MYO16: variants seen among roughly 807,000 people sequenced by gnomAD.
MYO16 encodes the protein myosin XVI, also known as unconventional myosin-XVI.
MYO16 carries 94 observed loss-of-function variants against 205.3 expected under a neutral mutation model. That is an observed-to-expected ratio of 0.46 (90% confidence interval 0.39 to 0.54). The LOEUF is 0.54. Ranked by LOEUF, MYO16 falls within the 20% of genes least tolerant of loss-of-function variation. The probability of loss-of-function intolerance (pLI) is 0.00; values close to 1 mark genes in which losing one functional copy is unlikely to be tolerated. For synonymous variants in MYO16, 988 were observed against 954.0 expected, an observed-to-expected ratio of 1.04 and a Z score of -0.66; for missense variants, 2,315 against 2,387.5, an observed-to-expected ratio of 0.97 and a Z score of 0.63.
At chr13:108,547,532 G>A in the MYO16 span, among the ~76,000 whole-genome samples, 65 of 152,190 alleles carry the variant, frequency 4.3e-4, no homozygotes, top group African/African-American at 1.4e-3. Context: ...GACAGCCAGC[G>A]CACACCACTC....
intron 2 of MYO16, among the ~76,000 whole-genome samples, chr13:108,709,131 T>C (rs1883626979): frequency 6.6e-6 from 1 of 152,102 alleles, no homozygotes; most frequent in South Asian, 2.1e-4. Flanking sequence ...TTCTATTTGG[T>C]CCCCAGATGG....
At chr13:109,134,222 TC>T (rs1398407442) in intron 31 of MYO16, among the ~76,000 whole-genome samples, 1 of 152,202 alleles carries the variant, frequency 6.6e-6, no homozygotes, top group African/African-American at 2.4e-5. Flanking sequence ...GTGTAACTTG[TC>T]CTGTGTCACA....
Position 109,141,173 on chromosome 13 carries a change from T to A in MYO16, c.4961T>A (p.Phe1654Tyr), listed in dbSNP as rs911962087. 1 of 1,608,892 alleles carries A rather than the reference T, an allele frequency of 6.2e-7. No individual in the cohort carries two copies. Among genetic ancestry groups the A allele is most frequent in the Non-Finnish European group, 8.5e-7 (1 of 1,177,832 alleles). Residue 1654 changes from phenylalanine (F) to tyrosine (Y), a missense_variant, in exon 32 of 35, where the codon TTC becomes TAC. By Grantham distance (22) the Phe-to-Tyr change is conservative. Transcript: ENST00000457511. The surrounding 1 kb of genome is among the most constrained non-coding windows in gnomAD (Gnocchi z 4.1). ...SAPVAGPCSSFPKIPYSPVKA... is the reference protein window; with the variant it reads ...SAPVAGPCSSYPKIPYSPVKA... ...CCCGTGGCCGGGCCCTGCAGCTCCT[T>A]CCCCAAGATCCCATATTCCCCCGTG...
chr13:109,026,370 C>CG (rs1304483608), intron 23 of MYO16, among the ~76,000 whole-genome samples: 1 of 151,978 alleles, frequency 6.6e-6, no homozygotes, highest in South Asian at 2.1e-4. Flanking sequence ...CATGTGACCA[C>CG]GGGGGGAGGT....
At chr13:109,051,976 A>G (rs920478148) in intron 24 of MYO16, among the ~76,000 whole-genome samples, 4 of 152,102 alleles carry the variant, frequency 2.6e-5, no homozygotes, top group African/African-American at 9.7e-5. Context: ...ATGATTTGAC[A>G]AGTGCACAAA....
intron 20 of MYO16, among the ~76,000 whole-genome samples, chr13:108,972,096 T>A (rs1305397667): frequency 6.8e-6 from 1 of 147,472 alleles, no homozygotes; most frequent in African/African-American, 2.5e-5. Flanking sequence ...TGGTCCCAGC[T>A]ACTTGGGAAC....
intron 1 of MYO16, among the ~76,000 whole-genome samples, chr13:108,622,906 A>C (rs763319386): frequency 6.6e-6 from 1 of 152,112 alleles, no homozygotes; most frequent in Non-Finnish European, 1.5e-5. Flanking sequence ...GAATTGTAAC[A>C]CAGGAGAGGA....
At chr13:109,186,151 G>A (rs1301333059) in intron 34 of MYO16, among the ~76,000 whole-genome samples, 1 of 152,048 alleles carries the variant, frequency 6.6e-6, no homozygotes, top group Non-Finnish European at 1.5e-5. Context: ...AAGCAACAGA[G>A]ACCGTGTCTC....
intron 4 of MYO16, among the ~76,000 whole-genome samples, chr13:108,774,442 AT>A (rs1445526782): frequency 6.6e-6 from 1 of 152,248 alleles, no homozygotes; most frequent in Admixed American, 6.5e-5. Flanking sequence ...AGGGCTCCCT[AT>A]AGGAACTATG....
intron 21 of MYO16, among the ~76,000 whole-genome samples, chr13:109,006,843 A>G (rs1885402746): frequency 6.6e-6 from 1 of 152,164 alleles, no homozygotes; most frequent in Admixed American, 6.5e-5. Context: ...GGGTATAGGC[A>G]GAGAAGAGAC....
intron 16 of MYO16, among the ~76,000 whole-genome samples, chr13:108,954,926 C>A (rs1054750039): frequency 1.6e-4 from 25 of 152,258 alleles, no homozygotes; most frequent in Admixed American, 6.5e-4. Flanking sequence ...GAAGAAGTAA[C>A]ACCACCCCAG....
chr13:108,926,375 T>C (rs1389055023), intron 16 of MYO16, among the ~76,000 whole-genome samples: 1 of 152,238 alleles, frequency 6.6e-6, no homozygotes, highest in Non-Finnish European at 1.5e-5. Context: ...AGATGGTCCC[T>C]GCTCTAAAGT....
At chr13:108,834,369 G>A (rs978045725) in intron 9 of MYO16, among the ~76,000 whole-genome samples, 11 of 152,130 alleles carry the variant, frequency 7.2e-5, no homozygotes, top group African/African-American at 2.7e-4. Flanking sequence ...ATGACTCCCA[G>A]GTCATAAAGA....
chr13:108,921,957 T>C (rs981491104), intron 16 of MYO16, among the ~76,000 whole-genome samples: 1 of 152,276 alleles, frequency 6.6e-6, no homozygotes, highest in East Asian at 1.9e-4. Flanking sequence ...CTCCTTCCCA[T>C]TGGAGTCATG....
chr13:109,197,536 G>A (rs1360941433), intron 34 of MYO16, among the ~76,000 whole-genome samples: 1 of 152,044 alleles, frequency 6.6e-6, no homozygotes, highest in African/African-American at 2.4e-5. Flanking sequence ...CTTTGTGCTG[G>A]GTAGAGATTA....
intron 2 of MYO16, among the ~76,000 whole-genome samples, chr13:108,680,006 A>G (rs1055692283): frequency 6.6e-6 from 1 of 151,950 alleles, no homozygotes; most frequent in Non-Finnish European, 1.5e-5. Context: ...TTCTGTGTAG[A>G]TCATCCCCAT....
intron 13 of MYO16, chr13:108,886,547 A>T: frequency 2.2e-6 from 1 of 454,556 alleles, no homozygotes; most frequent in South Asian, 1.6e-5. Flanking sequence ...CCCCCTTCTC[A>T]GTTGAATACC....
At chr13:108,956,589 C>T (rs776801725) in intron 16 of MYO16, among the ~76,000 whole-genome samples, 7 of 152,248 alleles carry the variant, frequency 4.6e-5, no homozygotes, top group South Asian at 2.1e-4. Context: ...CTCATCTCAC[C>T]GTAGGCTCCA....
At chr13:108,608,666 A>G (rs1879054691) in intron 1 of MYO16, among the ~76,000 whole-genome samples, 1 of 151,556 alleles carries the variant, frequency 6.6e-6, no homozygotes, top group Non-Finnish European at 1.5e-5. Flanking sequence ...TTTTTTTGAG[A>G]CAGTCCTGCT....
Sources: allele counts gnomAD v4.1 joint callset (sites outside exome capture counted in the v4.1 genomes callset), GRCh38; gene constraint gnomAD v4.1.1; non-coding constraint Gnocchi (gnomAD v3.1); transcripts MANE v1.5; gene names NCBI Gene and HGNC (gene_info 2026-07-23, HGNC 2026-07-21).